DUSP3: variants seen among roughly 807,000 people sequenced by gnomAD.
DUSP3 encodes dual specificity phosphatase 3, also known as dual specificity protein phosphatase 3.
DUSP3 carries 7 observed loss-of-function variants against 15.5 expected under a neutral mutation model. The observed-to-expected ratio is 0.45, with a 90% CI of 0.26 to 0.85. DUSP3 has a LOEUF of 0.85. Among genes scored for constraint, DUSP3 ranks in the 40% least tolerant of loss-of-function variants. The probability of loss-of-function intolerance (pLI) is 0.18; values close to 1 mark genes in which losing one functional copy is unlikely to be tolerated. For synonymous variants in DUSP3, 86 were observed against 104.2 expected (o/e 0.83, Z 1.07); for missense variants, 209 against 251.7 (o/e 0.83, Z 1.15).
At chr17:43,772,024 A>T (rs1487958628) in intron 2 of DUSP3, among the ~76,000 whole-genome samples, 1 of 152,052 alleles carries the variant, frequency 6.6e-6, no homozygotes, top group Non-Finnish European at 1.5e-5. Flanking sequence ...AAAAAAAAAA[A>T]AAAAAGGCAA....
chr17:43,769,931 G>C (rs1012167619), intron 2 of DUSP3, 117 bp from the exon 3 acceptor site: 23 of 1,132,036 alleles, frequency 2.0e-5, no homozygotes, highest in Non-Finnish European at 2.5e-5. Context: ...CTGTGTGCCT[G>C]TCAGAATGGC....
At chr17:43,770,164 A>G (rs1030604313) in intron 2 of DUSP3, among the ~76,000 whole-genome samples, 1 of 152,134 alleles carries the variant, frequency 6.6e-6, no homozygotes, top group Non-Finnish European at 1.5e-5. Flanking sequence ...ATTCACGAAC[A>G]TGGGCCAGAA....
chr17:43,774,187 C>T (rs1389221086), intron 2 of DUSP3: 1 of 273,240 alleles, frequency 3.7e-6, no homozygotes, highest in South Asian at 3.2e-5. Flanking sequence ...TGCAGGGCCT[C>T]ATCTGCTGTA....
intron 2 of DUSP3, chr17:43,774,124 A>G (rs1974354756): frequency 3.3e-6 from 1 of 303,060 alleles, no homozygotes; most frequent in Non-Finnish European, 6.2e-6. Flanking sequence ...AAAAAAAAAA[A>G]AAAAAAAAAA....
chr17:43,769,866 G>A (rs1410553961), intron 2 of DUSP3, 52 bp from the exon 3 acceptor site: 5 of 1,597,702 alleles, frequency 3.1e-6, no homozygotes, highest in Admixed American at 1.7e-5. Context: ...ATCACACCAT[G>A]GCGTTGGTCA....
At chr17:43,775,031 CA>C in intron 1 of DUSP3, 93 bp from the exon 2 acceptor site, 3 of 1,304,388 alleles carry the variant, frequency 2.3e-6, no homozygotes, top group Non-Finnish European at 3.3e-6. Context: ...CTTAGCAAAG[CA>C]AGGAAACCCT....
At chr17:43,775,771 A>C (rs1974379378) in intron 1 of DUSP3, among the ~76,000 whole-genome samples, 1 of 152,192 alleles carries the variant, frequency 6.6e-6, no homozygotes, top group Non-Finnish European at 1.5e-5. Flanking sequence ...TGGGTGATTT[A>C]GTACTTGGGG....
intron 2 of DUSP3, among the ~76,000 whole-genome samples, chr17:43,773,333 G>A (rs1027118484): frequency 5.3e-5 from 8 of 152,204 alleles, no homozygotes; most frequent in Admixed American, 1.3e-4. Flanking sequence ...AAGAGGTAAA[G>A]GGAGGAGCTG....
At chr17:43,770,359 G>A (rs1974299251) in intron 2 of DUSP3, among the ~76,000 whole-genome samples, 1 of 152,190 alleles carries the variant, frequency 6.6e-6, no homozygotes, top group Non-Finnish European at 1.5e-5. Context: ...CATCTGTGCT[G>A]TCAGAAGCCT....
rs1024097238 is a variant in DUSP3, at chr17:43,766,734, T to C, written c.*2875A>G. ...AGGTCTTCTAGATGAGTCCCCTCAT[T>C]TGTAGGTGGTGGTTTCTGGATAACT... On this transcript the variant is annotated 3_prime_UTR_variant, in exon 3 of 3. Coordinates refer to ENST00000226004, the MANE Select transcript of DUSP3 (RefSeq NM_004090.4). 1 of 152,230 alleles carries C rather than the reference T, an allele frequency of 6.6e-6. No homozygotes were observed. The highest frequency in any genetic ancestry group is 1.5e-5 in the Non-Finnish European group (1 of 67,994). The allele number at this position is 152,230 out of a possible 1,614,324, so 9.4% of individuals were successfully genotyped here. A position where few individuals can be genotyped will look rare whatever the true frequency, so the allele number is the denominator to read the frequency against.
rs1426256538 is a variant in DUSP3, at chr17:43,778,843, G to C, written c.82C>G (p.Gln28Glu). Residue 28 changes from glutamine to glutamate, a missense_variant, in exon 1 of 3, where the codon CAG becomes GAG. Coordinates refer to ENST00000226004, the MANE Select transcript of DUSP3 (RefSeq NM_004090.4). The part of the protein sequence containing the change: ...DGSGCYSLPS[Q>E]PCNEVTPRIY... ...CGCGGGGTGACCTCGTTGCAGGGCTGGCTCGGGAGGCTGTAGCAGCCGCTG... is the reference window on the plus strand; with the variant it reads ...CGCGGGGTGACCTCGTTGCAGGGCTCGCTCGGGAGGCTGTAGCAGCCGCTG... 6.5e-7 allele frequency: 1 copy of C among 1,532,128 alleles called. No homozygotes were observed. The highest frequency in any genetic ancestry group is 8.8e-7 in the Non-Finnish European group (1 of 1,141,502). The allele number at this position is 1,532,128 out of a possible 1,614,324, so 94.9% of individuals were successfully genotyped here. A position where few individuals can be genotyped will look rare whatever the true frequency, so the allele number is the denominator to read the frequency against.
Position 43,767,672 on chromosome 17 carries a change from T to C in DUSP3, c.*1937A>G, listed in dbSNP as rs73987080. The C allele has an allele frequency of 2.0e-4, 30 of 152,348 alleles. No homozygotes were observed. The highest frequency in any genetic ancestry group is 7.2e-4 in the African/African-American group (30 of 41,574). The allele number at this position is 152,348 out of a possible 1,614,324, so 9.4% of individuals were successfully genotyped here. A position where few individuals can be genotyped will look rare whatever the true frequency, so the allele number is the denominator to read the frequency against. Reference sequence around the variant, plus strand: ...CTCAAGTTAGATTAAGTTGGAAGGCTACCTAGAAGCTGTGCAGTGAGGTAC... The same window carrying C: ...CTCAAGTTAGATTAAGTTGGAAGGCCACCTAGAAGCTGTGCAGTGAGGTAC... On this transcript the variant is annotated 3_prime_UTR_variant, in exon 3 of 3. Transcript: ENST00000226004.
intron 2 of DUSP3, among the ~76,000 whole-genome samples, chr17:43,771,274 GA>G (rs998189509): frequency 4.0e-5 from 6 of 151,610 alleles, no homozygotes; most frequent in African/African-American, 9.7e-5. Context: ...ATAATGACAA[GA>G]AAAAAAATCT....
chr17:43,778,737 A>G, intron 1 of DUSP3, 63 bp downstream of exon 1: 1 of 1,431,024 alleles, frequency 7.0e-7, no homozygotes, highest in South Asian at 1.4e-5. Flanking sequence ...CCCCGACCCC[A>G]GCCTCGGGTG....
chr17:43,775,254 C>T (rs1177122315), intron 1 of DUSP3, among the ~76,000 whole-genome samples: 1 of 152,174 alleles, frequency 6.6e-6, no homozygotes, highest in East Asian at 1.9e-4. Flanking sequence ...CCCCTCCATT[C>T]CATTTGGCCC....
intron 2 of DUSP3, among the ~76,000 whole-genome samples, chr17:43,772,921 T>C (rs1187380628): frequency 1.3e-5 from 2 of 152,134 alleles, no homozygotes; most frequent in African/African-American, 4.8e-5. Flanking sequence ...TCCTAGTTGT[T>C]TGGAAAGAGG....
intron 1 of DUSP3, among the ~76,000 whole-genome samples, chr17:43,776,254 C>T (rs1245526234): frequency 6.6e-6 from 1 of 152,268 alleles, no homozygotes; most frequent in Non-Finnish European, 1.5e-5. Flanking sequence ...TGTGATCTTG[C>T]TTGCCCACTG....
rs979705244 is a variant in DUSP3, at chr17:43,766,242, T to G, written c.*3367A>C. The G allele has an allele frequency of 1.4e-4, 22 of 152,398 alleles. No homozygotes were observed. Among genetic ancestry groups the G allele is most frequent in the African/African-American group, 5.3e-4 (22 of 41,460 alleles). The allele number at this position is 152,398 out of a possible 1,614,324, so 9.4% of individuals were successfully genotyped here. ...AAAAACAATTTGGTAGCTCTCCCTT[T>G]TCTGTCCAGAAAAATTCACTCTTTC... On this transcript the variant is annotated 3_prime_UTR_variant, in exon 3 of 3. Coordinates refer to ENST00000226004, the MANE Select transcript of DUSP3 (RefSeq NM_004090.4).
At chr17:43,773,258 A>T (rs1430303066) in intron 2 of DUSP3, among the ~76,000 whole-genome samples, 3 of 152,222 alleles carry the variant, frequency 2.0e-5, no homozygotes, top group Admixed American at 6.5e-5. Context: ...AGTGTAGTAC[A>T]GCCAAGGCTG....
Sources: gnomAD v4.1 joint callset for allele counts (sites outside exome capture counted in the v4.1 genomes callset) on GRCh38, gnomAD v4.1.1 for gene constraint, MANE v1.5 for transcripts, NCBI Gene and HGNC (gene_info 2026-07-23, HGNC 2026-07-21) for gene names.